CENPP: variants seen among roughly 807,000 people sequenced by gnomAD.
The protein encoded by CENPP is centromere protein P.
Under a neutral mutation model 35.6 loss-of-function variants are expected in CENPP, and 24 were observed. The observed-to-expected ratio is 0.67, with a 90% CI of 0.49 to 0.95. CENPP has a LOEUF of 0.95. Ranked by LOEUF, CENPP falls within the 40% of genes least tolerant of loss-of-function variation. CENPP has a pLI of 0.00. For missense variants in CENPP, 332 were observed against 345.3 expected (o/e 0.96, Z 0.31); for synonymous variants, 120 against 125.5 (o/e 0.96, Z 0.29).
At chr9:92,358,158 C>CTT (rs796727958) in intron 4 of CENPP, among the ~76,000 whole-genome samples, 3 of 142,868 alleles carry the variant, frequency 2.1e-5, no homozygotes, top group Admixed American at 7.0e-5. Context: ...TTCTTCCTCT[C>CTT]TTTTTTTTTT....
intron 5 of CENPP, among the ~76,000 whole-genome samples, chr9:92,409,034 A>G (rs529304634): frequency 6.6e-6 from 1 of 152,212 alleles, no homozygotes; most frequent in Admixed American, 6.5e-5. Context: ...TTATGACTCA[A>G]TGTAAGGAAG....
At chr9:92,505,438 T>C in intron 5 of CENPP, 1 of 1,131,716 alleles carries the variant, frequency 8.8e-7, no homozygotes, top group Non-Finnish European at 1.3e-6. Flanking sequence ...AACTAGAGTT[T>C]AATTTACATC....
chr9:92,451,955 T>C (rs1269142121), intron 5 of CENPP, among the ~76,000 whole-genome samples: 4 of 151,840 alleles, frequency 2.6e-5, no homozygotes, highest in Non-Finnish European at 5.9e-5. Flanking sequence ...TTTTGTATCC[T>C]GAGACTTTGC....
intron 5 of CENPP, chr9:92,385,293 C>T (rs894392166): frequency 2.3e-4 from 43 of 183,034 alleles, no homozygotes; most frequent in African/African-American, 5.2e-4. Flanking sequence ...GATTTATCCT[C>T]GTACTTACAT....
Position 92,619,606 on chromosome 9 carries a change from G to A in CENPP, c.*6457G>A. 1.3e-6 allele frequency: 2 copies of A among 1,513,306 alleles called. No homozygotes were observed. Among genetic ancestry groups the A allele is most frequent in the Non-Finnish European group, 1.8e-6 (2 of 1,111,566 alleles). The allele number at this position is 1,513,306 out of a possible 1,614,324, so 93.7% of individuals were successfully genotyped here. ...AGATCAGCTCCAGGTCACACAGGAAGCCTCTGCCCCCCCACACAACCTTCC... is the reference window on the plus strand; with the variant it reads ...AGATCAGCTCCAGGTCACACAGGAAACCTCTGCCCCCCCACACAACCTTCC... On this transcript the variant is annotated 3_prime_UTR_variant, in exon 8 of 8. Coordinates refer to ENST00000375587, the MANE Select transcript of CENPP (RefSeq NM_001012267.3).
At position 92,365,367 on chromosome 9, in the gene CENPP, G is replaced by A. The variant is rs567828543; in HGVS notation, c.468-14396G>A. Among the ~76,000 whole-genome samples, 33 of 146,328 alleles carry A rather than the reference G, an allele frequency of 2.3e-4. No homozygotes were observed. In the South Asian group the frequency reaches 7.0e-3, roughly 31 times the overall value. ...TCAACCCTAGGTACTCTCTAAAAAT[G>A]TATCAATGTATCAAATTATGCCTTG... is the stretch of plus-strand genomic sequence containing the variant. On this transcript the variant is annotated intron_variant, in intron 4 of 7. Transcript: ENST00000375587.
At chr9:92,333,254 G>A (rs1840811233) in intron 2 of CENPP, among the ~76,000 whole-genome samples, 1 of 152,192 alleles carries the variant, frequency 6.6e-6, no homozygotes, top group African/African-American at 2.4e-5. Context: ...CTTTTCCACT[G>A]AAAATTACCC....
intron 2 of CENPP, among the ~76,000 whole-genome samples, chr9:92,333,819 G>A (rs1055780598): frequency 6.6e-6 from 1 of 151,758 alleles, no homozygotes; most frequent in African/African-American, 2.4e-5. Context: ...AGTCATTATT[G>A]TTTTCCATAG....
intron 5 of CENPP, among the ~76,000 whole-genome samples, chr9:92,441,683 G>A (rs151067463): frequency 3.3e-5 from 5 of 152,106 alleles, no homozygotes; most frequent in Admixed American, 6.5e-5. Flanking sequence ...CACTTCAACC[G>A]TGGAGGTGGA....
intron 5 of CENPP, chr9:92,457,273 A>G (rs1244892395): frequency 2.5e-6 from 4 of 1,609,866 alleles, no homozygotes; most frequent in South Asian, 2.2e-5. Context: ...AATGGACATT[A>G]CCAATTACTA....
intron 1 of CENPP, among the ~76,000 whole-genome samples, chr9:92,330,882 G>T (rs1490050869): frequency 6.6e-6 from 1 of 151,932 alleles, no homozygotes; most frequent in African/African-American, 2.4e-5. Context: ...TAGAGAAGGG[G>T]TTTCACCATA....
intron 5 of CENPP, among the ~76,000 whole-genome samples, chr9:92,425,602 G>T (rs1416817662): frequency 6.6e-6 from 1 of 152,048 alleles, no homozygotes; most frequent in East Asian, 1.9e-4. Context: ...AGTTCATTTT[G>T]TTTCCTCAAA....
chr9:92,453,974 A>C (rs1386422615), intron 5 of CENPP, among the ~76,000 whole-genome samples: 2 of 152,200 alleles, frequency 1.3e-5, no homozygotes, highest in Non-Finnish European at 2.9e-5. Flanking sequence ...AAAGAAAAAA[A>C]AAAAGTTTTT....
At chr9:92,610,082 G>A (rs1851195649) in intron 5 of CENPP, among the ~76,000 whole-genome samples, 1 of 151,268 alleles carries the variant, frequency 6.6e-6, no homozygotes, top group African/African-American at 2.4e-5. Context: ...TTGAGACGGA[G>A]TCTTGCTCTG....
At chr9:92,493,975 C>T in intron 5 of CENPP, 1 of 1,061,422 alleles carries the variant, frequency 9.4e-7, no homozygotes, top group South Asian at 1.5e-5. Context: ...TGGCCGTAGT[C>T]TCCTGGCGGC....
intron 5 of CENPP, among the ~76,000 whole-genome samples, chr9:92,574,913 G>A (rs766842075): frequency 1.6e-4 from 24 of 152,240 alleles, no homozygotes; most frequent in Non-Finnish European, 3.1e-4. Context: ...GAACCCACCC[G>A]TACTTAGTCA....
chr9:92,459,339 CT>C (rs1277896793), intron 5 of CENPP, among the ~76,000 whole-genome samples: 3 of 152,234 alleles, frequency 2.0e-5, no homozygotes, highest in African/African-American at 4.8e-5. Context: ...GTAGCCACCC[CT>C]GCCCTAAAAT....
intron 5 of CENPP, chr9:92,496,505 A>G: frequency 6.2e-7 from 1 of 1,603,276 alleles, no homozygotes; most frequent in Non-Finnish European, 8.5e-7. Flanking sequence ...TAGACATGCA[A>G]GTCACACATG....
At chr9:92,550,100 A>G (rs1849556166) in intron 5 of CENPP, among the ~76,000 whole-genome samples, 1 of 152,222 alleles carries the variant, frequency 6.6e-6, no homozygotes, top group Non-Finnish European at 1.5e-5. Flanking sequence ...ACTCATTTGA[A>G]CAAATGGTGT....
Sources: gnomAD v4.1 joint callset for allele counts (sites outside exome capture counted in the v4.1 genomes callset) on GRCh38, gnomAD v4.1.1 for gene constraint, MANE v1.5 for transcripts, NCBI Gene and HGNC (gene_info 2026-07-23, HGNC 2026-07-21) for gene names.